The following SLC4A4 variants were observed in gnomAD, a reference collection of about 807,000 sequenced individuals.
The protein encoded by SLC4A4 is electrogenic sodium bicarbonate cotransporter 1.
In SLC4A4, 27 loss-of-function variants were observed where a neutral mutation model predicts 111.5. The ratio of observed to expected loss-of-function variants is 0.24; its 90% CI spans 0.18 to 0.33. The LOEUF (loss-of-function observed/expected upper bound fraction) is 0.33, where lower values mean the gene tolerates loss of function less well. Ranked by LOEUF, SLC4A4 falls within the 10% of genes least tolerant of loss-of-function variation. The pLI is 1.00. For synonymous variants in SLC4A4, 443 were observed against 463.4 expected (o/e 0.96, Z 0.57); for missense variants, 909 against 1,315.5 (o/e 0.69, Z 4.78).
intron 14 of SLC4A4, among the ~76,000 whole-genome samples, chr4:71,477,941 A>G (rs1410928507): frequency 6.6e-6 from 1 of 151,984 alleles, no homozygotes; most frequent in South Asian, 2.1e-4. Context: ...AAACAATCCC[A>G]TCAAAAAGTA....
At chr4:71,416,222 G>A (rs1271091060) in intron 7 of SLC4A4, among the ~76,000 whole-genome samples, 1 of 152,136 alleles carries the variant, frequency 6.6e-6, no homozygotes, top group East Asian at 1.9e-4. Context: ...GCTATATATA[G>A]CAGTTTCCCA....
chr4:71,347,977 A>G (rs1273692501), intron 4 of SLC4A4, among the ~76,000 whole-genome samples: 1 of 152,190 alleles, frequency 6.6e-6, no homozygotes, highest in African/African-American at 2.4e-5. Context: ...ACTTGCTTTC[A>G]TATATGATGA....
At chr4:71,213,779 C>G (rs546142398) in intron 1 of SLC4A4, among the ~76,000 whole-genome samples, 1 of 152,056 alleles carries the variant, frequency 6.6e-6, no homozygotes, top group Admixed American at 6.5e-5. Context: ...AAGAGACATG[C>G]GAGAGATGAT....
At chr4:71,130,512 A>G (rs184309815) in intron 2 of SLC4A4, among the ~76,000 whole-genome samples, 3 of 152,294 alleles carry the variant, frequency 2.0e-5, no homozygotes, top group African/African-American at 7.2e-5. Flanking sequence ...TGCTTAGATT[A>G]CAAGCATGAG....
chr4:71,471,525 G>A (rs1056855677), intron 13 of SLC4A4, among the ~76,000 whole-genome samples: 2 of 151,926 alleles, frequency 1.3e-5, no homozygotes, highest in Non-Finnish European at 2.9e-5. Context: ...TATATCATTA[G>A]CAGTTATCAG....
intron 7 of SLC4A4, among the ~76,000 whole-genome samples, chr4:71,423,343 A>G (rs913080495): frequency 6.6e-6 from 1 of 152,196 alleles, no homozygotes; most frequent in Non-Finnish European, 1.5e-5. Flanking sequence ...AAAAGAGGAT[A>G]CAAACAAATG....
chr4:71,306,639 G>T (rs1281626260), intron 3 of SLC4A4, among the ~76,000 whole-genome samples: 2 of 152,072 alleles, frequency 1.3e-5, no homozygotes, highest in Non-Finnish European at 2.9e-5. Context: ...TAAATGCAAA[G>T]AACTTTGAAT....
chr4:71,410,131 C>A (rs1721238608), intron 7 of SLC4A4, among the ~76,000 whole-genome samples: 1 of 152,180 alleles, frequency 6.6e-6, no homozygotes, highest in Admixed American at 6.5e-5. Context: ...TAGGTCAGTG[C>A]AGAAGGGAAA....
At chr4:71,081,924 A>T (rs910084049) in intron 1 of SLC4A4, among the ~76,000 whole-genome samples, 1 of 152,116 alleles carries the variant, frequency 6.6e-6, no homozygotes, top group Non-Finnish European at 1.5e-5. Context: ...GGGCTCAAAC[A>T]TATGGCTGGA....
chr4:71,129,556 G>T (rs1743646482), intron 2 of SLC4A4, among the ~76,000 whole-genome samples: 1 of 152,046 alleles, frequency 6.6e-6, no homozygotes, highest in African/African-American at 2.4e-5. Context: ...AAGCAGTTTG[G>T]CAATTTCTTA....
intron 1 of SLC4A4, among the ~76,000 whole-genome samples, chr4:71,198,870 T>A (rs1746127442): frequency 6.6e-6 from 1 of 152,192 alleles, no homozygotes; most frequent in Non-Finnish European, 1.5e-5. Context: ...AAGTTTAAGT[T>A]TATACAGTGG....
intron 2 of SLC4A4, among the ~76,000 whole-genome samples, chr4:71,102,513 G>A (rs908676372): frequency 1.3e-5 from 2 of 152,182 alleles, no homozygotes; most frequent in African/African-American, 4.8e-5. Context: ...TTAAGGGCAG[G>A]CAGAGAGAAA....
intron 1 of SLC4A4, among the ~76,000 whole-genome samples, chr4:71,228,592 G>A (rs964315234): frequency 3.9e-5 from 6 of 152,314 alleles, no homozygotes; most frequent in South Asian, 2.1e-4. Context: ...GTGTGCATCT[G>A]GGATTTTGTA....
chr4:71,282,562 G>T (rs1723607571), intron 3 of SLC4A4, among the ~76,000 whole-genome samples: 2 of 151,958 alleles, frequency 1.3e-5, no homozygotes, highest in East Asian at 3.9e-4. Flanking sequence ...TGGGATTACA[G>T]GCATGAGCCA....
At chr4:71,509,231 T>C (rs1490633549) in intron 16 of SLC4A4, among the ~76,000 whole-genome samples, 1 of 152,086 alleles carries the variant, frequency 6.6e-6, no homozygotes, top group African/African-American at 2.4e-5. Context: ...TTATTCAACA[T>C]AGTATTGGAA....
In SLC4A4 at chr4:71,294,784, G is replaced by A. The variant is rs368236897; in HGVS notation, c.253+39385G>A. 9.4e-4 allele frequency among the ~76,000 whole-genome samples: 143 copies of A among 152,330 alleles called. 1 individual carries two copies. Among genetic ancestry groups the A allele is most frequent in the Middle Eastern group, 6.8e-3 (2 of 294 alleles). ...AACTTTCGGACTTGCTGCTTCAAAA[G>A]TAGTTGGCTTTCTTCTGCTAGTGAT... On this transcript the variant is annotated intron_variant, in intron 3 of 25. Transcript: ENST00000264485.
chr4:71,197,976 TC>T, intron 1 of SLC4A4, among the ~76,000 whole-genome samples: 1 of 152,324 alleles, frequency 6.6e-6, no homozygotes, highest in South Asian at 2.1e-4. Flanking sequence ...CTCATTCAAA[TC>T]ATTTAAAAAA....
At chr4:71,256,312 G>A (rs1016942944) in intron 3 of SLC4A4, among the ~76,000 whole-genome samples, 2 of 152,180 alleles carry the variant, frequency 1.3e-5, no homozygotes, top group African/African-American at 4.8e-5. Flanking sequence ...TTCAGTCATT[G>A]CAGTTGATGA....
intron 2 of SLC4A4, among the ~76,000 whole-genome samples, chr4:71,160,293 T>A (rs1744584674): frequency 2.0e-5 from 3 of 152,124 alleles, no homozygotes; most frequent in African/African-American, 7.2e-5. Context: ...ACATTCCCTA[T>A]TGTTTTATCT....
Sources: allele counts gnomAD v4.1 joint callset (sites outside exome capture counted in the v4.1 genomes callset), GRCh38; gene constraint gnomAD v4.1.1; transcripts MANE v1.5; gene names NCBI Gene and HGNC (gene_info 2026-07-23, HGNC 2026-07-21).